The following NELL2 variants were observed in gnomAD, a reference collection of about 807,000 sequenced individuals.
NELL2 encodes protein kinase C-binding protein NELL2.
In NELL2, 41 loss-of-function variants were observed where a neutral mutation model predicts 109.6. That is an observed-to-expected ratio of 0.37 (90% CI 0.29 to 0.49). NELL2 has a LOEUF of 0.49. NELL2 is among the 20% of genes least tolerant of loss of function. The pLI is 0.98. For synonymous variants in NELL2, 355 were observed against 344.7 expected, an observed-to-expected ratio of 1.03 and a Z score of -0.33; for missense variants, 900 against 1,008.3, an observed-to-expected ratio of 0.89 and a Z score of 1.45.
rs528469960 is a variant in NELL2, at chr12:44,676,477, A to G, written c.1319-10868T>C. On this transcript the variant is annotated intron_variant, in intron 12 of 19. Transcript: ENST00000429094. ...TGGCATTAATGAGTTTGTTTACCATATATTAATTTCTATGTATTAAAAACT... is the reference window on the plus strand; with the variant it reads ...TGGCATTAATGAGTTTGTTTACCATGTATTAATTTCTATGTATTAAAAACT... 2.0e-5 allele frequency among the ~76,000 whole-genome samples: 3 copies of G among 152,276 alleles called. No individual in the cohort carries two copies. In the South Asian group the frequency reaches 6.2e-4, roughly 32 times the overall value.
chr12:44,735,713 T>G (rs1386316114), intron 9 of NELL2, among the ~76,000 whole-genome samples: 1 of 152,194 alleles, frequency 6.6e-6, no homozygotes, highest in Non-Finnish European at 1.5e-5. Context: ...TTTCTAGGTT[T>G]CTCTTTGGTT....
chr12:44,773,461 G>C (rs1941630083), intron 9 of NELL2, among the ~76,000 whole-genome samples: 1 of 151,914 alleles, frequency 6.6e-6, no homozygotes, highest in Admixed American at 6.6e-5. Context: ...GGGCGACAGA[G>C]CGAGGCTCCG....
chr12:44,791,099 ATATATATATG>A (rs1566403942), intron 3 of NELL2, among the ~76,000 whole-genome samples: 19 of 31,120 alleles, frequency 6.1e-4, no homozygotes, highest in Non-Finnish European at 8.6e-4. Context: ...ATATATATGT[ATATATATATG>A]TATATATATA....
intron 1 of NELL2, among the ~76,000 whole-genome samples, chr12:44,885,997 GA>G (rs1382673601): frequency 6.6e-6 from 1 of 151,336 alleles, no homozygotes; most frequent in African/African-American, 2.4e-5. Context: ...ATGGTTAATT[GA>G]TTTTTTACAA....
At chr12:44,841,039 G>A (rs1944211420) in intron 2 of NELL2, among the ~76,000 whole-genome samples, 1 of 152,172 alleles carries the variant, frequency 6.6e-6, no homozygotes, top group South Asian at 2.1e-4. Context: ...ATGACCTACT[G>A]AGGAAAACTA....
chr12:44,623,252 A>T (rs1019283961), intron 13 of NELL2, among the ~76,000 whole-genome samples: 2 of 152,128 alleles, frequency 1.3e-5, no homozygotes, highest in Non-Finnish European at 1.5e-5. Context: ...GTGTGAATAT[A>T]TAGTATATAT....
At chr12:44,532,813 C>T (rs1251330454) in intron 15 of NELL2, 92 bp from the exon 16 acceptor site, 1 of 1,183,766 alleles carries the variant, frequency 8.4e-7, no homozygotes, top group Non-Finnish European at 1.2e-6. Context: ...TTTTTAATGC[C>T]AGCAAATCCT....
intron 13 of NELL2, among the ~76,000 whole-genome samples, chr12:44,622,813 C>T (rs1390599124): frequency 7.9e-5 from 12 of 152,086 alleles, no homozygotes; most frequent in Non-Finnish European, 1.5e-5. Flanking sequence ...TTAAAACGAG[C>T]TTCATTACAA....
chr12:44,751,610 T>C (rs890545722), intron 9 of NELL2, among the ~76,000 whole-genome samples: 1 of 152,180 alleles, frequency 6.6e-6, no homozygotes, highest in Non-Finnish European at 1.5e-5. Context: ...TTTCATATTT[T>C]CCTGTCTTCC....
At chr12:44,827,411 G>GTTTTT (rs35241789) in intron 2 of NELL2, among the ~76,000 whole-genome samples, 5 of 126,640 alleles carry the variant, frequency 3.9e-5, no homozygotes, top group Admixed American at 8.5e-5. Context: ...TCTTCTAACT[G>GTTTTT]TTTTTTTTTT....
chr12:44,831,733 T>A (rs1943893968), intron 2 of NELL2, among the ~76,000 whole-genome samples: 1 of 152,194 alleles, frequency 6.6e-6, no homozygotes, highest in Non-Finnish European at 1.5e-5. Context: ...CTTCTTTTCT[T>A]TCAGACTGGA....
intron 9 of NELL2, among the ~76,000 whole-genome samples, chr12:44,755,872 T>A (rs1332503768): frequency 6.6e-6 from 1 of 152,182 alleles, no homozygotes; most frequent in Non-Finnish European, 1.5e-5. Context: ...GATGAATCAA[T>A]CTACTTTTCT....
At chr12:44,528,882 C>A (rs1941918170) in intron 16 of NELL2, among the ~76,000 whole-genome samples, 1 of 152,126 alleles carries the variant, frequency 6.6e-6, no homozygotes, top group Non-Finnish European at 1.5e-5. Context: ...AGGGGAAGGG[C>A]ATTCCACATA....
intron 9 of NELL2, among the ~76,000 whole-genome samples, chr12:44,748,585 T>C (rs537006439): frequency 6.6e-6 from 1 of 152,248 alleles, no homozygotes; most frequent in East Asian, 1.9e-4. Flanking sequence ...TAATGTGGCA[T>C]AAAAGGGAAT....
At chr12:44,541,603 T>A (rs1379311011) in intron 15 of NELL2, among the ~76,000 whole-genome samples, 4 of 152,156 alleles carry the variant, frequency 2.6e-5, no homozygotes, top group Non-Finnish European at 5.9e-5. Flanking sequence ...AGAAATTTCA[T>A]ACCAAGAACA....
Position 44,875,263 on chromosome 12 carries a change from G to A in NELL2, c.146C>T (p.Pro49Leu), listed in dbSNP as rs200213264. Residue 49 changes from proline (P) to leucine (L), a missense_variant, in exon 2 of 20, where the codon CCG (proline) becomes CTG (leucine). Physicochemically the swap from Pro to Leu is moderately conservative, Grantham distance 98. Around this residue, in one of 4 missense-constraint regions of NELL2, gnomAD observed 200 missense variants for 191.8 expected, o/e 1.04. Coordinates refer to ENST00000429094, the MANE Select transcript of NELL2 (RefSeq NM_001145108.2). ...GESTTGVRQV[P>L]GLHNGTKAFL... ...GGCTTTCGTCCCATTATGCAGCCCC[G>A]GGACCTGACGCACTCCGGTCGTGGA... 59 of 1,614,102 alleles carry A rather than the reference G, an allele frequency of 3.7e-5. No homozygotes were observed. The African/African-American group carries it at 7.3e-4, about 20-fold the overall frequency.
At chr12:44,559,885 T>A (rs921600932) in intron 15 of NELL2, among the ~76,000 whole-genome samples, 3 of 152,064 alleles carry the variant, frequency 2.0e-5, no homozygotes, top group Non-Finnish European at 4.4e-5. Flanking sequence ...ATTCTTCTCA[T>A]CACCACATCA....
intron 15 of NELL2, among the ~76,000 whole-genome samples, chr12:44,576,540 T>C (rs900912376): frequency 1.3e-5 from 2 of 149,794 alleles, no homozygotes; most frequent in Non-Finnish European, 2.9e-5. Flanking sequence ...GCCTACCTTC[T>C]CTTTTTTTTT....
At position 44,876,110 on chromosome 12, in the gene NELL2, G is replaced by A; in HGVS notation, c.-241C>T. On this transcript the variant is annotated 5_prime_UTR_variant, in exon 1 of 20. Coordinates refer to ENST00000429094, the MANE Select transcript of NELL2 (RefSeq NM_001145108.2). The stretch of plus-strand genomic sequence containing the variant: ...TCCCACACGCAGGGCCGAGGCGGCA[G>A]CGCGGCCCGGAGGGGGCCCGGAGGG... The A allele has an allele frequency of 7.5e-7, 1 of 1,325,148 alleles. No homozygotes were observed. Among genetic ancestry groups the A allele is most frequent in the East Asian group, 2.9e-5 (1 of 34,382 alleles). 82.1% of individuals were successfully genotyped at this position (1,325,148 alleles called of 1,614,324 possible). A position where few individuals can be genotyped will look rare whatever the true frequency, so the allele number is the denominator to read the frequency against.
Sources: allele counts gnomAD v4.1 joint callset (sites outside exome capture counted in the v4.1 genomes callset), GRCh38; gene constraint gnomAD v4.1.1; regional missense constraint gnomAD v4.1.1; transcripts MANE v1.5; gene names NCBI Gene and HGNC (gene_info 2026-07-23, HGNC 2026-07-21).